THRB: variants seen among roughly 807,000 people sequenced by gnomAD.
The protein encoded by THRB is nuclear receptor subfamily 1 group A member 2.
THRB carries 12 observed loss-of-function variants against 47.8 expected under a neutral mutation model. The observed-to-expected ratio is 0.25, with a 90% CI of 0.16 to 0.41. THRB has a LOEUF of 0.41. Ranked by LOEUF, THRB falls within the 10% of genes least tolerant of loss-of-function variation. The pLI is 1.00. For missense variants in THRB, 348 were observed against 589.2 expected (o/e 0.59, Z 4.24); for synonymous variants, 218 against 212.2 (o/e 1.03, Z -0.24).
chr3:24,434,735 AG>A (rs1167920046), intron 1 of THRB, among the ~76,000 whole-genome samples: 1 of 152,204 alleles, frequency 6.6e-6, no homozygotes, highest in Non-Finnish European at 1.5e-5. Flanking sequence ...TACTAGCTGG[AG>A]AAAACAAGAA....
chr3:24,350,797 A>G (rs1374744211), intron 1 of THRB, among the ~76,000 whole-genome samples: 1 of 152,132 alleles, frequency 6.6e-6, no homozygotes, highest in African/African-American at 2.4e-5. Context: ...CTCTGTGTGT[A>G]TGTTTCATTT....
intron 1 of THRB, among the ~76,000 whole-genome samples, chr3:24,478,798 C>G (rs935883320): frequency 6.6e-6 from 1 of 152,040 alleles, no homozygotes; most frequent in Non-Finnish European, 1.5e-5. Flanking sequence ...GAAAAAGCAG[C>G]TATAACTGAT....
At chr3:24,465,552 A>G (rs1454494053) in intron 1 of THRB, among the ~76,000 whole-genome samples, 3 of 152,100 alleles carry the variant, frequency 2.0e-5, no homozygotes, top group Admixed American at 2.0e-4. Flanking sequence ...ACAGGCATGC[A>G]CCACCATGAC....
intron 3 of THRB, among the ~76,000 whole-genome samples, chr3:24,268,537 T>C (rs1035446529): frequency 2.6e-5 from 4 of 152,158 alleles, no homozygotes; most frequent in African/African-American, 9.7e-5. Flanking sequence ...TTAACTGAAA[T>C]TCAGCAATTT....
At chr3:24,335,442 C>A (rs990238688) in intron 2 of THRB, among the ~76,000 whole-genome samples, 36 of 152,336 alleles carry the variant, frequency 2.4e-4, no homozygotes, top group African/African-American at 8.4e-4. Context: ...GCTTTAAGGA[C>A]ATTGATCAAA....
chr3:24,126,675 G>A (rs1303214112), intron 10 of THRB, among the ~76,000 whole-genome samples: 2 of 152,146 alleles, frequency 1.3e-5, no homozygotes, highest in African/African-American at 2.4e-5. Context: ...AAATGCAGAG[G>A]ACTCTGAAAC....
chr3:24,407,366 A>G (rs1393535197), intron 1 of THRB, among the ~76,000 whole-genome samples: 1 of 151,782 alleles, frequency 6.6e-6, no homozygotes, highest in African/African-American at 2.4e-5. Context: ...CCGGTAAGAA[A>G]TATCACCCAT....
At chr3:24,164,803 G>A (rs935434524) in intron 5 of THRB, among the ~76,000 whole-genome samples, 4 of 152,082 alleles carry the variant, frequency 2.6e-5, no homozygotes, top group Non-Finnish European at 4.4e-5. Context: ...ATACAGAAAG[G>A]CAACTCACTC....
chr3:24,362,980 A>G (rs544308725), intron 1 of THRB, among the ~76,000 whole-genome samples: 47 of 152,264 alleles, frequency 3.1e-4, no homozygotes, highest in Middle Eastern at 3.4e-3. Flanking sequence ...GACTAGGACA[A>G]TTACTGGGAG....
chr3:24,319,519 C>T (rs552136533), intron 2 of THRB, among the ~76,000 whole-genome samples: 2 of 152,244 alleles, frequency 1.3e-5, no homozygotes, highest in Non-Finnish European at 2.9e-5. Context: ...CAGATAAAAA[C>T]ATTTATCAAC....
In THRB at chr3:24,328,372, C is replaced by A. The variant is rs187063189; in HGVS notation, c.-189+8928G>T. On this transcript the variant is annotated intron_variant, in intron 2 of 10. Transcript: ENST00000646209. ...TAGATATTATCCAAACTGAAGTCTG[C>A]AGCCCAGGAAATATCCATGAGCATT... Among the ~76,000 whole-genome samples, 599 of 152,266 alleles carry A rather than the reference C, an allele frequency of 3.9e-3. 2 individuals carry two copies. Among genetic ancestry groups the A allele is most frequent in the African/African-American group, 0.014 (571 of 41,546 alleles).
chr3:24,203,015 C>A (rs1318425297), intron 4 of THRB, among the ~76,000 whole-genome samples: 1 of 152,302 alleles, frequency 6.6e-6, no homozygotes. Context: ...TGGGCCATTT[C>A]GGCAGGACTA....
At chr3:24,458,710 C>A (rs528323778) in intron 1 of THRB, 1 of 152,256 alleles carries the variant, frequency 6.6e-6, no homozygotes, top group South Asian at 2.1e-4. Context: ...TCCAACTTAA[C>A]TGAGGAGTGA....
At chr3:24,130,342 G>GTGTT (rs1474390628) in intron 9 of THRB, among the ~76,000 whole-genome samples, 2 of 152,156 alleles carry the variant, frequency 1.3e-5, no homozygotes, top group African/African-American at 2.4e-5. Context: ...AGTGCGCAGT[G>GTGTT]TGTTTGCTCC....
At chr3:24,350,180 G>A (rs556484407) in intron 1 of THRB, among the ~76,000 whole-genome samples, 4 of 152,062 alleles carry the variant, frequency 2.6e-5, no homozygotes, top group Non-Finnish European at 5.9e-5. Context: ...ATCTATACAC[G>A]TCCACCAGAA....
chr3:24,291,699 T>C (rs2150980890), intron 3 of THRB, among the ~76,000 whole-genome samples: 1 of 152,300 alleles, frequency 6.6e-6, no homozygotes, highest in South Asian at 2.1e-4. Context: ...GTTGGTTGAA[T>C]CCATGGATGC....
rs72619913 is a variant in THRB at position 24,133,770 on chromosome 3, G to A, written c.739-308C>T. Among the ~76,000 whole-genome samples the A allele has an allele frequency of 3.8e-3, 575 of 152,228 alleles. 10 individuals carry two copies. The East Asian group carries it at 0.052, about 14-fold the overall frequency. Reference sequence around the variant, plus strand: ...GGTCCTGCTTCTGAATGCACAAAGGGTGTATACTTAGGTAAGGTGACATAA... The same window carrying A: ...GGTCCTGCTTCTGAATGCACAAAGGATGTATACTTAGGTAAGGTGACATAA... On this transcript the variant is annotated intron_variant, in intron 8 of 10. Transcript: ENST00000646209.
At chr3:24,387,568 T>C (rs962781100) in intron 1 of THRB, among the ~76,000 whole-genome samples, 5 of 152,148 alleles carry the variant, frequency 3.3e-5, no homozygotes, top group Non-Finnish European at 4.4e-5. Flanking sequence ...ACCAACTAAA[T>C]ACCAAACTTC....
chr3:24,256,705 T>C (rs1392046328), intron 3 of THRB, among the ~76,000 whole-genome samples: 2 of 152,144 alleles, frequency 1.3e-5, no homozygotes, highest in East Asian at 3.9e-4. Context: ...GGTAGGCTCA[T>C]GTGTCTGGTG....
Sources: gnomAD v4.1 joint callset for allele counts (sites outside exome capture counted in the v4.1 genomes callset) on GRCh38, gnomAD v4.1.1 for gene constraint, MANE v1.5 for transcripts, NCBI Gene and HGNC (gene_info 2026-07-23, HGNC 2026-07-21) for gene names.